The following SLC30A9 variants were observed in gnomAD, a reference collection of about 807,000 sequenced individuals.
SLC30A9 encodes the protein proton-coupled zinc antiporter SLC30A9, mitochondrial.
SLC30A9 carries 58 observed loss-of-function variants against 87.5 expected under a neutral mutation model. The observed-to-expected ratio is 0.66, with a 90% CI of 0.54 to 0.82. The LOEUF is 0.82. SLC30A9 is among the 40% of genes least tolerant of loss of function. SLC30A9 has a pLI of 0.00. For synonymous variants in SLC30A9, 234 were observed against 233.0 expected (o/e 1.00, Z -0.04); for missense variants, 557 against 679.1 (o/e 0.82, Z 2.00).
chr4:42,040,775 G>A (rs1352270172), intron 8 of SLC30A9, among the ~76,000 whole-genome samples: 8 of 137,466 alleles, frequency 5.8e-5, no homozygotes, highest in Admixed American at 3.8e-4. Context: ...CAGTCTGGGC[G>A]ACAGAGCCAG....
rs778009602 is a variant in SLC30A9 at position 42,033,797 on chromosome 4, G to A, written c.611-1478G>A. Among the ~76,000 whole-genome samples, 19 of 152,060 alleles carry A rather than the reference G, an allele frequency of 1.2e-4. 1 individual carries two copies. Among genetic ancestry groups the A allele is most frequent in the African/African-American group, 1.9e-4 (8 of 41,394 alleles). On this transcript the variant is annotated intron_variant, in intron 6 of 17. Transcript: ENST00000264451. ...TCACCATGTTAGCCAGGATGGTCTCGATGATCTGACCTTGTGATCCACCCG... is the reference window on the plus strand; with the variant it reads ...TCACCATGTTAGCCAGGATGGTCTCAATGATCTGACCTTGTGATCCACCCG...
At chr4:42,069,262 A>G (rs1718207971) in intron 14 of SLC30A9, among the ~76,000 whole-genome samples, 1 of 152,220 alleles carries the variant, frequency 6.6e-6, no homozygotes, top group Admixed American at 6.5e-5. Flanking sequence ...TTACAAAAAT[A>G]TGTAATGTGT....
chr4:42,004,542 A>G (rs996053890), intron 2 of SLC30A9, among the ~76,000 whole-genome samples: 2 of 151,348 alleles, frequency 1.3e-5, no homozygotes, highest in African/African-American at 4.9e-5. Context: ...TGCATTCTGT[A>G]TTATTTCCTC....
intron 15 of SLC30A9, among the ~76,000 whole-genome samples, chr4:42,073,672 G>C (rs760431673): frequency 6.6e-6 from 1 of 152,146 alleles, no homozygotes; most frequent in African/African-American, 2.4e-5. Context: ...ATGATTGTTC[G>C]CAAGATTTAG....
chr4:42,034,833 G>GT (rs951662860), intron 6 of SLC30A9, among the ~76,000 whole-genome samples: 3 of 151,526 alleles, frequency 2.0e-5, no homozygotes, highest in Non-Finnish European at 4.4e-5. Context: ...CTATGTTACA[G>GT]TTTTTTTTAG....
chr4:42,056,922 C>T (rs1056661344), intron 9 of SLC30A9, among the ~76,000 whole-genome samples: 1 of 152,176 alleles, frequency 6.6e-6, no homozygotes, highest in African/African-American at 2.4e-5. Flanking sequence ...AAAGGGGCTA[C>T]AGGCCCCATG....
intron 10 of SLC30A9, among the ~76,000 whole-genome samples, chr4:42,062,011 G>T (rs745695421): frequency 1.3e-5 from 2 of 151,944 alleles, no homozygotes; most frequent in African/African-American, 2.4e-5. Context: ...CCTGACCAAC[G>T]TGGAGAAGCC....
chr4:42,049,001 T>A (rs1203558088), intron 8 of SLC30A9, among the ~76,000 whole-genome samples: 1 of 152,152 alleles, frequency 6.6e-6, no homozygotes, highest in East Asian at 1.9e-4. Context: ...CTCACTCTCT[T>A]GCCTAGGCTG....
At chr4:42,075,513 T>G in intron 15 of SLC30A9, 144 bp from the exon 16 acceptor site, 1 of 682,770 alleles carries the variant, frequency 1.5e-6, no homozygotes, top group African/African-American at 1.9e-5. Flanking sequence ...TAGGTGGTAC[T>G]TAATGGTGAA....
At chr4:42,049,306 C>G in intron 8 of SLC30A9, 71 bp from the exon 9 acceptor site, 2 of 849,380 alleles carry the variant, frequency 2.4e-6, no homozygotes, top group South Asian at 1.5e-5. Context: ...AGATATACAG[C>G]TGATTGAGTA....
At chr4:42,023,792 G>A (rs1025307988) in intron 6 of SLC30A9, among the ~76,000 whole-genome samples, 7 of 152,144 alleles carry the variant, frequency 4.6e-5, no homozygotes, top group Non-Finnish European at 8.8e-5. Context: ...TCACAGTTCC[G>A]CATGGCTGGA....
At position 42,049,391 on chromosome 4, in the gene SLC30A9, G is replaced by T. The variant is rs758117426; in HGVS notation, c.752G>T (p.Cys251Phe). The change falls in exon 9 of 18, where the codon TGC becomes TTC. Residue 251 changes from cysteine (C) to phenylalanine (F), a missense_variant. By Grantham distance (205) the Cys-to-Phe change is radical (BLOSUM62 -2). Transcript: ENST00000264451. ...TTCTCTTCTAGCAATGGATTAAACT[G>T]CTTCTTTAAATTTCTTGCCTGGATT... ...MVAICINGLN[C>F]FFKFLAWIYT... 1.1e-5 allele frequency: 18 copies of T among 1,608,874 alleles called. No individual in the cohort carries two copies. The highest frequency in any genetic ancestry group is 1.5e-5 in the Non-Finnish European group (18 of 1,176,788).
chr4:42,030,599 T>TGGGGG (rs145068198), intron 6 of SLC30A9, among the ~76,000 whole-genome samples: 88,542 of 148,420 alleles, frequency 0.6, 31,193 homozygotes, highest in East Asian at 0.87. Context: ...TTTTTTTTTT[T>TGGGGG]GGGCTCTTTC....
chr4:42,015,379 G>A (rs1300871289), intron 2 of SLC30A9, among the ~76,000 whole-genome samples: 7 of 151,940 alleles, frequency 4.6e-5, no homozygotes, highest in East Asian at 1.9e-4. Context: ...CAGGAAAAGC[G>A]AAATAAAAAT....
At chr4:42,021,422 T>C (rs1715944138) in intron 4 of SLC30A9, among the ~76,000 whole-genome samples, 1 of 152,226 alleles carries the variant, frequency 6.6e-6, no homozygotes, top group African/African-American at 2.4e-5. Context: ...GTTTAATTTC[T>C]AGAACTTGAT....
chr4:42,035,431 T>G, intron 7 of SLC30A9, 98 bp downstream of exon 7: 2 of 1,372,274 alleles, frequency 1.5e-6, no homozygotes, highest in Non-Finnish European at 2.0e-6. Context: ...GATCTCAATC[T>G]AAGATTTTCT....
At chr4:42,046,757 A>G (rs866241650) in intron 8 of SLC30A9, among the ~76,000 whole-genome samples, 1 of 152,224 alleles carries the variant, frequency 6.6e-6, no homozygotes, top group Non-Finnish European at 1.5e-5. Flanking sequence ...TGGAACCAAA[A>G]AAGAGCCTGT....
chr4:42,078,185 A>G, intron 16 of SLC30A9, 27 bp from the exon 17 acceptor site: 1 of 1,181,352 alleles, frequency 8.5e-7, no homozygotes, highest in Non-Finnish European at 1.2e-6. Context: ...TTAAAAATTT[A>G]TTTTCCTGTT....
intron 1 of SLC30A9, 60 bp downstream of exon 1, chr4:41,990,820 C>A: frequency 8.1e-7 from 1 of 1,236,000 alleles, no homozygotes; most frequent in Non-Finnish European, 1.2e-6. Context: ...CCAGGCTGGG[C>A]TCGGCGCCTC....
Sources: gnomAD v4.1 joint callset for allele counts (sites outside exome capture counted in the v4.1 genomes callset) on GRCh38, gnomAD v4.1.1 for gene constraint, MANE v1.5 for transcripts, NCBI Gene and HGNC (gene_info 2026-07-23, HGNC 2026-07-21) for gene names.